The following CCDC158 variants were observed in gnomAD, a reference collection of about 807,000 sequenced individuals.
The protein encoded by CCDC158 is coiled-coil domain-containing protein 158.
CCDC158 carries 116 observed loss-of-function variants against 138.6 expected under a neutral mutation model. That is an observed-to-expected ratio of 0.84 (90% CI 0.72 to 0.98). The LOEUF (loss-of-function observed/expected upper bound fraction) is 0.98. Among genes scored for constraint, CCDC158 ranks in the 50% least tolerant of loss-of-function variants. CCDC158 has a pLI of 0.00. For missense variants in CCDC158, 1,265 were observed against 1,306.1 expected, an observed-to-expected ratio of 0.97 and a Z score of 0.48; for synonymous variants, 436 against 442.4, an observed-to-expected ratio of 0.99 and a Z score of 0.18.
intron 18 of CCDC158, among the ~76,000 whole-genome samples, chr4:76,339,189 CAG>C (rs1454450680): frequency 6.6e-6 from 1 of 151,988 alleles, no homozygotes; most frequent in Admixed American, 6.5e-5. Flanking sequence ...ACATGAAGAA[CAG>C]AAGCAATTAT....
At chr4:76,411,856 C>T (rs1349263176) in intron 2 of CCDC158, among the ~76,000 whole-genome samples, 6 of 152,278 alleles carry the variant, frequency 3.9e-5, no homozygotes. Context: ...CCCAGAGACA[C>T]CTCTATGGAA....
In CCDC158 at chr4:76,403,228, A is replaced by C. The variant is rs28619085; in HGVS notation, c.-21T>G. ...TCCATATTAAATATTGCTACTTCTTATTAGAGATCTTGAAGTATGAATGGT... is the reference window on the plus strand; with the variant it reads ...TCCATATTAAATATTGCTACTTCTTCTTAGAGATCTTGAAGTATGAATGGT... On this transcript the variant is annotated 5_prime_UTR_variant, in exon 3 of 25. Coordinates refer to ENST00000682701, the MANE Select transcript of CCDC158 (RefSeq NM_001394954.1). The C allele has an allele frequency of 5.6e-3, 8,478 of 1,513,246 alleles. 382 individuals are homozygous for C. The African/African-American group carries it at 0.1, about 18-fold the overall frequency. The allele number at this position is 1,513,246 out of a possible 1,614,324, so 93.7% of individuals were successfully genotyped here. A position where few individuals can be genotyped will look rare whatever the true frequency, so the allele number is the denominator to read the frequency against.
At chr4:76,362,880 C>T (rs573957136) in intron 12 of CCDC158, among the ~76,000 whole-genome samples, 2 of 152,158 alleles carry the variant, frequency 1.3e-5, no homozygotes, top group South Asian at 2.1e-4. Flanking sequence ...AGAGAAGTGG[C>T]AAGAATAATA....
chr4:76,326,790 A>G (rs1449424147), intron 22 of CCDC158, among the ~76,000 whole-genome samples: 1 of 152,162 alleles, frequency 6.6e-6, no homozygotes, highest in Non-Finnish European at 1.5e-5. Context: ...ACTCAGCAAA[A>G]ATATTCTTCA....
Position 76,421,031 on chromosome 4 carries a change from C to T in CCDC158, c.-183G>A, listed in dbSNP as rs1730080734. 6.6e-6 allele frequency among the ~76,000 whole-genome samples: 1 copy of T among 152,020 alleles called. No individual in the cohort carries two copies. The highest frequency in any genetic ancestry group is 1.5e-5 in the Non-Finnish European group (1 of 67,992). ...GCGGGGCGCCGGCGGGCGCAGCGGC[C>T]CCACCTACGTCGACCTGGCGGCTGG... On this transcript the variant is annotated 5_prime_UTR_variant, in exon 1 of 25. Transcript: ENST00000682701.
In CCDC158 at chr4:76,353,104, A is replaced by C. The variant is rs762472155; in HGVS notation, c.2445+19T>G. ...ACTATTTAGTTGATAATTACTTCAT[A>C]TGTTTAGTTAATAATTACCTTATCC... On this transcript the variant is annotated intron_variant, in intron 16 of 24. Coordinates refer to ENST00000682701, the MANE Select transcript of CCDC158 (RefSeq NM_001394954.1). 3.2e-6 allele frequency: 5 copies of C among 1,585,016 alleles called. No homozygotes were observed. The highest frequency in any genetic ancestry group is 4.3e-6 in the Non-Finnish European group (5 of 1,160,120).
chr4:76,330,600 A>G (rs187349369), intron 21 of CCDC158, among the ~76,000 whole-genome samples: 5 of 152,326 alleles, frequency 3.3e-5, no homozygotes, highest in African/African-American at 1.2e-4. Flanking sequence ...ACTTGGGGAA[A>G]AAAAAGATGG....
chr4:76,415,696 G>C (rs1729633828), intron 1 of CCDC158, among the ~76,000 whole-genome samples: 1 of 152,094 alleles, frequency 6.6e-6, no homozygotes, highest in Non-Finnish European at 1.5e-5. Flanking sequence ...AGGAGCTGAG[G>C]GGACATAGTG....
At position 76,323,289 on chromosome 4, in the gene CCDC158, A is replaced by G; in HGVS notation, c.3277+13T>C. On this transcript the variant is annotated intron_variant, in intron 24 of 24. Coordinates refer to ENST00000682701, the MANE Select transcript of CCDC158 (RefSeq NM_001394954.1). ...ATGAGCGAGGAAGATCTCTCCAAAA[A>G]CGTACACTGTACCTTGGTTCTTCAG... 1.3e-6 allele frequency: 2 copies of G among 1,583,560 alleles called. No homozygotes were observed. The highest frequency in any genetic ancestry group is 2.3e-5 in the South Asian group (2 of 88,528).
intron 22 of CCDC158, 131 bp downstream of exon 22, chr4:76,328,769 A>AG (rs758972669): frequency 3.4e-4 from 233 of 693,720 alleles, no homozygotes; most frequent in Non-Finnish European, 5.3e-4. Context: ...TGCATGAAAG[A>AG]GGGAGTAGCA....
intron 23 of CCDC158, among the ~76,000 whole-genome samples, chr4:76,324,478 C>A (rs28452538): frequency 8.6e-5 from 13 of 152,016 alleles, no homozygotes; most frequent in Admixed American, 8.5e-4. Context: ...TGAGCCACAG[C>A]GCCCAGCCAG....
intron 3 of CCDC158, 74 bp from the exon 4 acceptor site, chr4:76,396,560 G>A: frequency 2.7e-6 from 3 of 1,094,626 alleles, no homozygotes. Context: ...TGCCCAGGCT[G>A]GAGTGCAATG....
chr4:76,400,783 C>T (rs963929670), intron 3 of CCDC158, among the ~76,000 whole-genome samples: 1 of 151,970 alleles, frequency 6.6e-6, no homozygotes, highest in Non-Finnish European at 1.5e-5. Context: ...TTGCAGCAGC[C>T]CATTGAATAA....
At chr4:76,377,340 T>C (rs1034374102) in intron 9 of CCDC158, among the ~76,000 whole-genome samples, 1 of 152,254 alleles carries the variant, frequency 6.6e-6, no homozygotes, top group African/African-American at 2.4e-5. Flanking sequence ...CAATGAGTAC[T>C]TAATCTTTCC....
chr4:76,358,993 G>T (rs536347998), intron 13 of CCDC158, among the ~76,000 whole-genome samples: 1 of 152,302 alleles, frequency 6.6e-6, no homozygotes, highest in East Asian at 1.9e-4. Context: ...GGCTTCGTGG[G>T]AGGTGATTGG....
chr4:76,334,969 C>T (rs543053726), intron 18 of CCDC158, among the ~76,000 whole-genome samples: 1 of 152,256 alleles, frequency 6.6e-6, no homozygotes, highest in East Asian at 1.9e-4. Flanking sequence ...ATATAATTCT[C>T]ATATTCTCCT....
intron 4 of CCDC158, among the ~76,000 whole-genome samples, chr4:76,393,868 A>G (rs1727531644): frequency 6.6e-6 from 1 of 152,186 alleles, no homozygotes; most frequent in Non-Finnish European, 1.5e-5. Context: ...GCATATAGGC[A>G]TATGAGAAAG....
intron 18 of CCDC158, among the ~76,000 whole-genome samples, chr4:76,347,737 C>T (rs1270812471): frequency 2.0e-5 from 3 of 151,962 alleles, no homozygotes; most frequent in African/African-American, 7.3e-5. Context: ...AACAAAATCG[C>T]CTAGAACCCA....
Position 76,399,834 on chromosome 4 carries a change from G to T in CCDC158, c.70+3304C>A, listed in dbSNP as rs1728181139. On this transcript the variant is annotated intron_variant, in intron 3 of 24. Coordinates refer to ENST00000682701, the MANE Select transcript of CCDC158 (RefSeq NM_001394954.1). ...GGCTGAAGATATGAATGAGCAGGGT[G>T]ATTTCTGAGCCAGATCTCTGAAGGG... Among the ~76,000 whole-genome samples, 4 of 152,212 alleles carry T rather than the reference G, an allele frequency of 2.6e-5. No individual in the cohort carries two copies. In the South Asian group the frequency reaches 8.3e-4, roughly 31 times the overall value.
Sources: allele counts gnomAD v4.1 joint callset (sites outside exome capture counted in the v4.1 genomes callset), GRCh38; gene constraint gnomAD v4.1.1; transcripts MANE v1.5; gene names NCBI Gene and HGNC (gene_info 2026-07-23, HGNC 2026-07-21).